Variants in SUGP1 observed in about 807,000 individuals in gnomAD.
SUGP1 encodes SURP and G-patch domain-containing protein 1.
In SUGP1, 34 loss-of-function variants were observed where a neutral mutation model predicts 76.5. The observed-to-expected ratio is 0.44, with a 90% CI of 0.34 to 0.59. SUGP1 has a LOEUF of 0.59. SUGP1 is among the 20% of genes least tolerant of loss of function. The probability of loss-of-function intolerance (pLI) is 0.01; values close to 1 mark genes in which losing one functional copy is unlikely to be tolerated. For synonymous variants in SUGP1, 326 were observed against 326.2 expected (o/e 1.00, Z 0.01); for missense variants, 752 against 851.7 (o/e 0.88, Z 1.46).
Position 19,295,892 on chromosome 19 carries a change from G to C in SUGP1, c.1243+1097C>G, listed in dbSNP as rs1027531723. The stretch of plus-strand genomic sequence containing the variant: ...AAAACATAAAACGTGGGGAAAAAAG[G>C]ACTAAAATAGACATTTCTCCAAAGA... On this transcript the variant is annotated intron_variant, in intron 8 of 13. Transcript: ENST00000247001. Among the ~76,000 whole-genome samples, 3 of 152,072 alleles carry C rather than the reference G, an allele frequency of 2.0e-5. No homozygotes were observed. The East Asian group carries it at 5.8e-4, about 29-fold the overall frequency.
At chr19:19,277,620 GA>G in intron 12 of SUGP1, 113 bp downstream of exon 12, 1 of 1,367,884 alleles carries the variant, frequency 7.3e-7, no homozygotes, top group Non-Finnish European at 9.9e-7. Context: ...GGGGTGCTGT[GA>G]TCATTTTGCC....
At chr19:19,282,600 T>C (rs1056690144) in intron 8 of SUGP1, among the ~76,000 whole-genome samples, 2 of 152,136 alleles carry the variant, frequency 1.3e-5, no homozygotes, top group African/African-American at 2.4e-5. Context: ...TGCTACCGCC[T>C]ACTGCACACC....
chr19:19,307,884 C>T (rs748909795), intron 3 of SUGP1, among the ~76,000 whole-genome samples: 2 of 151,974 alleles, frequency 1.3e-5, no homozygotes, highest in Admixed American at 6.6e-5. Flanking sequence ...AGGCTGGTCT[C>T]GAACTCCTGA....
chr19:19,279,201 T>C lies in SUGP1; in HGVS notation c.1528+12A>G. On this transcript the variant is annotated intron_variant, in intron 10 of 13. Transcript: ENST00000247001. ...CCCAGCCCAGCCCGGCCCACCCCGC[T>C]GCCCCACATACCCCTGGTCTTATCC... is the stretch of plus-strand genomic sequence containing the variant. 7 of 1,149,604 alleles carry C rather than the reference T, an allele frequency of 6.1e-6. No individual in the cohort carries two copies. Among genetic ancestry groups the C allele is most frequent in the Non-Finnish European group, 6.2e-6 (5 of 808,506 alleles). 71.2% of individuals were successfully genotyped at this position (1,149,604 alleles called of 1,614,324 possible). A position where few individuals can be genotyped will look rare whatever the true frequency, so the allele number is the denominator to read the frequency against.
chr19:19,311,904 G>T (rs537294768), intron 2 of SUGP1, among the ~76,000 whole-genome samples: 69 of 152,220 alleles, frequency 4.5e-4, no homozygotes, highest in African/African-American at 1.6e-3. Flanking sequence ...CTTGAGCCCA[G>T]GAGTTTGAGG....
intron 8 of SUGP1, among the ~76,000 whole-genome samples, chr19:19,281,875 C>CCATA: frequency 6.6e-6 from 1 of 152,324 alleles, no homozygotes; most frequent in Non-Finnish European, 1.5e-5. Flanking sequence ...AGAGACCAGG[C>CCATA]CATAGGCTGG....
intron 2 of SUGP1, among the ~76,000 whole-genome samples, chr19:19,312,617 A>G (rs2061360370): frequency 6.6e-6 from 1 of 152,220 alleles, no homozygotes; most frequent in African/African-American, 2.4e-5. Flanking sequence ...GGTTAAATAA[A>G]TTACGGGCCA....
chr19:19,277,247 C>CCGGTG (rs1157017321), intron 12 of SUGP1, among the ~76,000 whole-genome samples, 171 bp from the exon 13 acceptor site: 3 of 14,724 alleles, frequency 2.0e-4, no homozygotes, highest in African/African-American at 4.0e-4. Flanking sequence ...ACCCCCGGGG[C>CCGGTG]GGGCGGGGGG....
rs564662329 is a variant in SUGP1, at chr19:19,303,940, G to C, written c.539-93C>G. 8.1e-6 allele frequency: 13 copies of C among 1,602,214 alleles called. No individual in the cohort carries two copies. In the East Asian group the frequency reaches 2.7e-4, roughly 33 times the overall value. On this transcript the variant is annotated intron_variant, in intron 4 of 13. Transcript: ENST00000247001. Reference sequence around the variant, plus strand: ...ATGGACCACAACGACAGAGGGGGTGGGGGGAGAAGAGTGTGAGATGCAGGA... The same window carrying C: ...ATGGACCACAACGACAGAGGGGGTGCGGGGAGAAGAGTGTGAGATGCAGGA...
chr19:19,296,601 C>T (rs1263586265), intron 8 of SUGP1, among the ~76,000 whole-genome samples: 2 of 150,960 alleles, frequency 1.3e-5, no homozygotes, highest in East Asian at 1.9e-4. Flanking sequence ...GAGCTGAAAT[C>T]GCACCACTGC....
chr19:19,306,781 G>A (rs563465339), intron 3 of SUGP1, among the ~76,000 whole-genome samples: 78 of 152,326 alleles, frequency 5.1e-4, no homozygotes, highest in African/African-American at 1.7e-3. Flanking sequence ...GGAGAAGGCC[G>A]GGAATCCCCT....
intron 2 of SUGP1, among the ~76,000 whole-genome samples, chr19:19,312,070 T>C (rs900745648): frequency 2.0e-5 from 3 of 151,942 alleles, no homozygotes; most frequent in African/African-American, 7.3e-5. Context: ...GAAAACCCCA[T>C]CTCTACGAAC....
In SUGP1 at chr19:19,299,629, C is replaced by T. The variant is rs575368937; in HGVS notation, c.888-2285G>A. Among the ~76,000 whole-genome samples the T allele has an allele frequency of 1.4e-3, 219 of 151,724 alleles. 2 individuals carry two copies. Among genetic ancestry groups the T allele is most frequent in the South Asian group, 9.0e-3 (43 of 4,784 alleles). On this transcript the variant is annotated intron_variant, in intron 7 of 13. Coordinates refer to ENST00000247001, the MANE Select transcript of SUGP1 (RefSeq NM_172231.4). Reference sequence around the variant, plus strand: ...GATCTCCTGACCTCGTGATCCACCCCGCTCAGCCTCCCAAAGTGCTGGGAT... The same window carrying T: ...GATCTCCTGACCTCGTGATCCACCCTGCTCAGCCTCCCAAAGTGCTGGGAT...
In SUGP1 at chr19:19,297,252, A is replaced by C; in HGVS notation, c.980T>G (p.Phe327Cys). The C allele has an allele frequency of 2.5e-6, 4 of 1,584,004 alleles. No individual in the cohort carries two copies. Among genetic ancestry groups the C allele is most frequent in the South Asian group, 1.1e-5 (1 of 88,278 alleles). The change falls in exon 8 of 14, where the codon TTC becomes TGC. Residue 327 changes from phenylalanine to cysteine, a missense_variant. This residue lies in a region of SUGP1 where 620 missense variants were observed against 617.3 expected (regional missense o/e 1.00). Coordinates refer to ENST00000247001, the MANE Select transcript of SUGP1 (RefSeq NM_172231.4). The part of the protein sequence containing the change: ...RKAKASSTGS[F>C]TAPDPGLKRK... ...CTTCAGGCCGGGATCAGGTGCTGTG[A>C]AGCTGCCTGTGGAGCTGGCCTTGGC...
At chr19:19,279,466 C>T (rs2061080797) in intron 9 of SUGP1, 76 bp from the exon 10 acceptor site, 2 of 1,459,566 alleles carry the variant, frequency 1.4e-6, no homozygotes, top group Non-Finnish European at 1.8e-6. Flanking sequence ...TCCCCGCCTC[C>T]AGTGCTGGGC....
intron 8 of SUGP1, among the ~76,000 whole-genome samples, chr19:19,291,267 G>C (rs1337236659): frequency 6.6e-6 from 1 of 152,054 alleles, no homozygotes; most frequent in Non-Finnish European, 1.5e-5. Context: ...AAGAAAATGA[G>C]GACTATAAAT....
chr19:19,277,032 G>C lies in SUGP1; in HGVS notation c.1826C>G (p.Pro609Arg). The change falls in exon 13 of 14, where the codon CCG (proline) becomes CGG (arginine). Residue 609 changes from proline (P) to arginine (R), a missense_variant. Pro to Arg is a moderately radical substitution (Grantham distance 103, BLOSUM62 -2). Around this residue, in one of 2 missense-constraint regions of SUGP1, gnomAD observed 132 missense variants for 234.4 expected, o/e 0.56. Transcript: ENST00000247001. ...GTCGTCCTCCTTGGAGAGCTCCGCC[G>C]GCCGGTCAATGCCGAAGCCAGCGCC... The part of the protein sequence containing the change: ...VDGAGFGIDR[P>R]AELSKEDDEY... 6.2e-7 allele frequency: 1 copy of C among 1,612,672 alleles called. No individual in the cohort carries two copies. The highest frequency in any genetic ancestry group is 1.1e-5 in the South Asian group (1 of 91,028).
In SUGP1 at chr19:19,283,667, C is replaced by G. The variant is rs538595605; in HGVS notation, c.1244-3376G>C. On this transcript the variant is annotated intron_variant, in intron 8 of 13. Coordinates refer to ENST00000247001, the MANE Select transcript of SUGP1 (RefSeq NM_172231.4). ...GACAGGTTTCAGCATACTGGCCAGG[C>G]TGGTCTCAAACTCCTGACTTCATTG... 3.9e-5 allele frequency among the ~76,000 whole-genome samples: 6 copies of G among 152,354 alleles called. No individual in the cohort carries two copies. In the South Asian group the frequency reaches 1.0e-3, roughly 26 times the overall value.
At position 19,303,286 on chromosome 19, in the gene SUGP1, G is replaced by A. The variant is rs994475005; in HGVS notation, c.763+62C>T. 5.3e-5 allele frequency: 75 copies of A among 1,423,364 alleles called. No individual in the cohort carries two copies. The Admixed American group carries it at 8.9e-4, about 17-fold the overall frequency. 88.2% of individuals were successfully genotyped at this position (1,423,364 alleles called of 1,614,324 possible). ...CAGCACCTCCAGGAACCCCGATTCCGCATTGGGGCACGGTATGTCCACAGG... is the reference window on the plus strand; with the variant it reads ...CAGCACCTCCAGGAACCCCGATTCCACATTGGGGCACGGTATGTCCACAGG... On this transcript the variant is annotated intron_variant, in intron 6 of 13. Transcript: ENST00000247001.
Sources: gnomAD v4.1 joint callset for allele counts (sites outside exome capture counted in the v4.1 genomes callset) on GRCh38, gnomAD v4.1.1 for gene constraint, gnomAD v4.1.1 regional missense constraint, MANE v1.5 for transcripts, NCBI Gene and HGNC (gene_info 2026-07-23, HGNC 2026-07-21) for gene names.